Variants in SEC13 observed in about 807,000 individuals in gnomAD.
The protein encoded by SEC13 is protein SEC13 homolog.
A neutral mutation model predicts 49.2 loss-of-function variants in SEC13; 25 were observed. That is an observed-to-expected ratio of 0.51 (90% CI 0.37 to 0.71). The LOEUF (loss-of-function observed/expected upper bound fraction) is 0.71, where lower values mean the gene tolerates loss of function less well. SEC13 is among the 30% of genes least tolerant of loss of function. SEC13 has a pLI of 0.00. For missense variants in SEC13, 383 were observed against 417.6 expected, an observed-to-expected ratio of 0.92 and a Z score of 0.72; for synonymous variants, 148 against 163.9, an observed-to-expected ratio of 0.90 and a Z score of 0.74.
At chr3:10,312,930 A>G (rs1467213857) in intron 3 of SEC13, 200 bp from the exon 4 acceptor site, 2 of 548,404 alleles carry the variant, frequency 3.6e-6, no homozygotes, top group East Asian at 6.1e-5. Context: ...TAAGCAACCT[A>G]AGGTCACAGA....
At chr3:10,301,645 T>C (rs1407021042) in intron 8 of SEC13, among the ~76,000 whole-genome samples, 3 of 152,032 alleles carry the variant, frequency 2.0e-5, no homozygotes. Flanking sequence ...AGCGAGAGGA[T>C]ATGGGGTGGC....
At chr3:10,305,271 T>C (rs1370206570) in intron 6 of SEC13, 115 bp from the exon 7 acceptor site, 4 of 1,420,778 alleles carry the variant, frequency 2.8e-6, no homozygotes, top group Non-Finnish European at 3.7e-6. Flanking sequence ...TCTTCTTTCA[T>C]TCATGGAGTT....
rs149568992 is a variant in SEC13, at chr3:10,309,849, C to CT, written c.450+2115dup. Among the ~76,000 whole-genome samples, 157 of 152,328 alleles carry CT rather than the reference C, an allele frequency of 1.0e-3. 2 individuals are homozygous for CT. Among genetic ancestry groups the CT allele is most frequent in the Admixed American group, 1.8e-3 (28 of 15,302 alleles). ...CTCAGGAAAGTCTAAGCTCAGAACT[C>CT]TCCCTTGTTTCTGTGTGGTGTTAAA... is the stretch of plus-strand genomic sequence containing the variant. On this transcript the variant is annotated intron_variant, in intron 5 of 8. Coordinates refer to ENST00000350697, the MANE Select transcript of SEC13 (RefSeq NM_183352.3).
At chr3:10,310,390 C>T (rs942728467) in intron 5 of SEC13, among the ~76,000 whole-genome samples, 3 of 152,094 alleles carry the variant, frequency 2.0e-5, no homozygotes, top group African/African-American at 7.2e-5. Context: ...GCTCAAGAGG[C>T]TGAGGCATGA....
chr3:10,319,043 T>C (rs2059714774), intron 1 of SEC13: 2 of 1,119,828 alleles, frequency 1.8e-6, no homozygotes, highest in Non-Finnish European at 2.5e-6. Flanking sequence ...ACAAAAGCTG[T>C]TATTTTTTTT....
In SEC13 at chr3:10,303,681, T is replaced by C. The variant is rs1284941041; in HGVS notation, c.855+345A>G. 13 of 376,566 alleles carry C rather than the reference T, an allele frequency of 3.5e-5. No homozygotes were observed. The Admixed American group carries it at 4.2e-4, about 12-fold the overall frequency. 23.3% of individuals were successfully genotyped at this position (376,566 alleles called of 1,614,324 possible). ...ATCTTCTTCTGTTTATGGGTTCTTATACACTTGCCTTTTTGGCACAGCTAA... is the reference window on the plus strand; with the variant it reads ...ATCTTCTTCTGTTTATGGGTTCTTACACACTTGCCTTTTTGGCACAGCTAA... On this transcript the variant is annotated intron_variant, in intron 8 of 8. Transcript: ENST00000350697.
In SEC13 at chr3:10,301,137, T is replaced by C. The variant is rs757703956; in HGVS notation, c.*124A>G. 1 of 1,613,780 alleles carries C rather than the reference T, an allele frequency of 6.2e-7. No individual in the cohort carries two copies. The highest frequency in any genetic ancestry group is 1.3e-5 in the African/African-American group (1 of 74,936). ...CAGATGATCAATCTGTGGCTGCATC[T>C]GTAACTCCTCCTGGGAAAATAATCC... On this transcript the variant is annotated 3_prime_UTR_variant, in exon 9 of 9. Coordinates refer to ENST00000350697, the MANE Select transcript of SEC13 (RefSeq NM_183352.3).
intron 1 of SEC13, among the ~76,000 whole-genome samples, chr3:10,320,015 G>C (rs2059748728): frequency 6.6e-6 from 1 of 150,552 alleles, no homozygotes; most frequent in South Asian, 2.1e-4. Context: ...GGGAGAGAGA[G>C]AGAGAGAGAG....
rs776077472 is a variant in SEC13 at position 10,305,142 on chromosome 3, C to CCGT, written c.596_598dup (p.Asp199dup). The CCGT allele has an allele frequency of 1.1e-5, 18 of 1,612,472 alleles. No individual in the cohort carries two copies. The African/African-American group carries it at 2.1e-4, about 19-fold the overall frequency. On this transcript the variant is annotated inframe_insertion, in exon 7 of 9. Coordinates refer to ENST00000350697, the MANE Select transcript of SEC13 (RefSeq NM_183352.3). Reference sequence around the variant, plus strand: ...TAGCTTCTGCTCCTCCTTCCACTGGCCGTCCTCCTCCTCCCTAACAGTGGG... The same window carrying CCGT: ...TAGCTTCTGCTCCTCCTTCCACTGGCCGTCGTCCTCCTCCTCCCTAACAGTGGG...
At chr3:10,302,404 G>C (rs1030581563) in intron 8 of SEC13, among the ~76,000 whole-genome samples, 1 of 152,196 alleles carries the variant, frequency 6.6e-6, no homozygotes, top group Non-Finnish European at 1.5e-5. Context: ...AAGTCCTTTA[G>C]GTAAGGGTGC....
At chr3:10,312,249 A>G in intron 4 of SEC13, 151 bp from the exon 5 acceptor site, 1 of 1,334,802 alleles carries the variant, frequency 7.5e-7, no homozygotes, top group Non-Finnish European at 9.9e-7. Context: ...TGAGGACACA[A>G]AAAAACCCCA....
chr3:10,303,984 C>G (rs1310441118), intron 8 of SEC13, 42 bp downstream of exon 8: 5 of 1,610,524 alleles, frequency 3.1e-6, no homozygotes, highest in Admixed American at 1.7e-5. Flanking sequence ...GGGTGAAGAC[C>G]AACAGGCTGT....
Position 10,304,156 on chromosome 3 carries a change from A to G in SEC13, c.725T>C (p.Ile242Thr), listed in dbSNP as rs1159821603. Reference protein sequence around the residue: ...ASCSQDGRVFIWTCDDASSNT... With the variant: ...ASCSQDGRVFTWTCDDASSNT... ...GCTTGAGGCATCATCACAGGTCCAA[A>G]TGAACACACGACCATCCTAGGAAGA... The change falls in exon 8 of 9, where the codon ATT becomes ACT. Residue 242 changes from isoleucine (I) to threonine (T), a missense_variant. Transcript: ENST00000350697. 2 of 1,614,014 alleles carry G rather than the reference A, an allele frequency of 1.2e-6. No homozygotes were observed. The highest frequency in any genetic ancestry group is 1.7e-6 in the Non-Finnish European group (2 of 1,180,010).
intron 5 of SEC13, among the ~76,000 whole-genome samples, chr3:10,306,260 G>C (rs1276842849): frequency 1.3e-5 from 2 of 151,766 alleles, no homozygotes; most frequent in Non-Finnish European, 2.9e-5. Context: ...CAATTTTTCT[G>C]CTGAAGAGAG....
rs1402486777 is a variant in SEC13 at position 10,305,606 on chromosome 3, G to T, written c.537C>A (p.Ile179=). The change falls in exon 6 of 9, where the codon ATC becomes ATA. Residue 179 remains isoleucine (I), a synonymous_variant. Coordinates refer to ENST00000350697, the MANE Select transcript of SEC13 (RefSeq NM_183352.3). ...DHPSGQKPNY[I]KRFASGGCDN... The stretch of plus-strand genomic sequence containing the variant: ...CACAGCCACCTGATGCAAACCTCTT[G>T]ATGTAATTGGGTTTCTGCCCCGATG... 1.2e-6 allele frequency: 2 copies of T among 1,614,184 alleles called. No individual in the cohort carries two copies. Among genetic ancestry groups the T allele is most frequent in the Admixed American group, 1.7e-5 (1 of 60,026 alleles).
intron 2 of SEC13, among the ~76,000 whole-genome samples, chr3:10,317,369 C>T (rs1023017485): frequency 6.6e-6 from 1 of 152,210 alleles, no homozygotes; most frequent in Non-Finnish European, 1.5e-5. Context: ...AGAACCCTGA[C>T]ATGAAACACT....
intron 5 of SEC13, among the ~76,000 whole-genome samples, chr3:10,306,535 C>T (rs62240122): frequency 0.028 from 4,251 of 152,262 alleles, 90 homozygotes; most frequent in African/African-American, 0.041. Flanking sequence ...TCATTTATTC[C>T]ATGGAATGCT....
At chr3:10,310,383 C>T (rs780898913) in intron 5 of SEC13, among the ~76,000 whole-genome samples, 2 of 152,006 alleles carry the variant, frequency 1.3e-5, no homozygotes, top group Non-Finnish European at 2.9e-5. Context: ...TCCAGCTGCT[C>T]AAGAGGCTGA....
intron 3 of SEC13, chr3:10,313,252 G>C (rs886899365): frequency 1.9e-5 from 5 of 259,384 alleles, no homozygotes; most frequent in African/African-American, 1.1e-4. Context: ...CCTGATAACA[G>C]GTGCTATCTG....
Sources: allele counts gnomAD v4.1 joint callset (sites outside exome capture counted in the v4.1 genomes callset), GRCh38; gene constraint gnomAD v4.1.1; transcripts MANE v1.5; gene names NCBI Gene and HGNC (gene_info 2026-07-23, HGNC 2026-07-21).